The following LOC112694756 variants were observed in gnomAD, a reference collection of about 807,000 sequenced individuals.
chr16:30,068,963 C>T, the LOC112694756 span: 1 of 1,614,238 alleles, frequency 6.2e-7, no homozygotes, highest in Admixed American at 1.7e-5. Flanking sequence ...CCCGTTATGC[C>T]AGTATCTGCC....
the LOC112694756 span, chr16:30,064,538 G>A: frequency 2.5e-6 from 1 of 398,602 alleles, no homozygotes; most frequent in African/African-American, 2.1e-5. Context: ...CCCATCAATA[G>A]GGCCGACCCA....
the LOC112694756 span, chr16:30,067,044 G>C: frequency 6.3e-7 from 1 of 1,577,524 alleles, no homozygotes; most frequent in South Asian, 1.2e-5. Context: ...GAAAGGTACA[G>C]GGGCAGGCCT....
At chr16:30,067,716 C>T in the LOC112694756 span, 3 of 1,601,282 alleles carry the variant, frequency 1.9e-6, no homozygotes, top group African/African-American at 4.0e-5. Flanking sequence ...GGAAGGAAAT[C>T]CAGGTTAGTG....
the LOC112694756 span, chr16:30,070,181 A>C: frequency 6.2e-7 from 1 of 1,614,034 alleles, no homozygotes; most frequent in African/African-American, 1.3e-5. Context: ...GCTGCCAGCG[A>C]GTCCCTCTTC....
the LOC112694756 span, chr16:30,059,131 T>G: frequency 2.5e-6 from 1 of 396,884 alleles, no homozygotes; most frequent in Non-Finnish European, 4.4e-6. Context: ...TGTGAATCTT[T>G]TACAAGTTCT....
chr16:30,065,618 C>T, the LOC112694756 span: 1 of 152,184 alleles, frequency 6.6e-6, no homozygotes, highest in African/African-American at 2.4e-5. Flanking sequence ...CTTCCTAGCG[C>T]GGCCTCTGGG....
the LOC112694756 span, among the ~76,000 whole-genome samples, chr16:30,059,884 G>A: frequency 3.3e-5 from 5 of 151,804 alleles, no homozygotes; most frequent in African/African-American, 1.2e-4. Flanking sequence ...GCTCTCTTTC[G>A]TCCAGCACTC....
At chr16:30,067,898 G>GT in the LOC112694756 span, 433 of 577,516 alleles carry the variant, frequency 7.5e-4, no homozygotes, top group Non-Finnish European at 1.2e-3. Flanking sequence ...TTTGCTCAGA[G>GT]TAAGTGGCAG....
chr16:30,060,637 T>G, the LOC112694756 span, among the ~76,000 whole-genome samples: 1 of 152,116 alleles, frequency 6.6e-6, no homozygotes, highest in African/African-American at 2.4e-5. Flanking sequence ...ATACCCTCTT[T>G]TCTGAGGTAA....
At chr16:30,064,487 A>G in the LOC112694756 span, 30 of 398,614 alleles carry the variant, frequency 7.5e-5, no homozygotes, top group African/African-American at 6.2e-4. Flanking sequence ...TCCAAGGAAG[A>G]ATTTCCTCTG....
chr16:30,066,772 C>A, the LOC112694756 span: 1 of 1,252,502 alleles, frequency 8.0e-7, no homozygotes, highest in Non-Finnish European at 1.1e-6. Context: ...TGCTGTGTGG[C>A]TTGAAGCACA....
At chr16:30,061,628 C>T in the LOC112694756 span, among the ~76,000 whole-genome samples, 200 of 129,144 alleles carry the variant, frequency 1.5e-3, 1 homozygote, top group African/African-American at 5.4e-3. Context: ...GGGTCGATCT[C>T]GGCTTACTGC....
At chr16:30,063,152 A>T in the LOC112694756 span, among the ~76,000 whole-genome samples, 1 of 152,274 alleles carries the variant, frequency 6.6e-6, no homozygotes, top group African/African-American at 2.4e-5. Context: ...AAAAAAAAAA[A>T]AAAATTAAAA....
At chr16:30,069,784 C>T in the LOC112694756 span, 19 of 1,613,164 alleles carry the variant, frequency 1.2e-5, no homozygotes, top group Non-Finnish European at 1.7e-6. Flanking sequence ...TGCCAGCTTC[C>T]TGGGTCTCTG....
chr16:30,067,630 T>C, the LOC112694756 span: 1 of 1,614,138 alleles, frequency 6.2e-7, no homozygotes, highest in Non-Finnish European at 8.5e-7. Flanking sequence ...CCCCAAGTTA[T>C]CAAATCCAAG....
At chr16:30,068,122 G>T in the LOC112694756 span, 1 of 253,546 alleles carries the variant, frequency 3.9e-6, no homozygotes, top group Non-Finnish European at 7.7e-6. Context: ...GAGTGCAGTG[G>T]TGCGATCTCT....
the LOC112694756 span, chr16:30,064,172 A>C: frequency 2.5e-6 from 1 of 398,278 alleles, no homozygotes; most frequent in Non-Finnish European, 4.4e-6. Context: ...TTATAGGAGG[A>C]GTCTGGCCCT....
At chr16:30,068,536 G>C in the LOC112694756 span, 1 of 1,254,952 alleles carries the variant, frequency 8.0e-7, no homozygotes, top group Middle Eastern at 2.1e-4. Context: ...CCAGGAAGTG[G>C]AGGCTTCAGT....
At chr16:30,054,524 T>C in the LOC112694756 span, 1 of 310,122 alleles carries the variant, frequency 3.2e-6, no homozygotes, top group Non-Finnish European at 5.9e-6. Context: ...GAGATCTCTT[T>C]GGAGAGGCAT....
Sources: allele counts gnomAD v4.1 joint callset (sites outside exome capture counted in the v4.1 genomes callset), GRCh38; gene constraint gnomAD v4.1.1; transcripts MANE v1.5.